The following PTER variants were observed in gnomAD, a reference collection of about 807,000 sequenced individuals.
PTER encodes the protein N-acetyltaurine hydrolase.
In PTER, 38 loss-of-function variants were observed where a neutral mutation model predicts 29.6. That is an observed-to-expected ratio of 1.28 (90% CI 0.99 to 1.68). PTER has a LOEUF of 1.68. Ranked by LOEUF, PTER falls within the 40% of genes most tolerant of loss-of-function variation. The probability of loss-of-function intolerance (pLI) is 0.00; values close to 1 mark genes in which losing one functional copy is unlikely to be tolerated. For missense variants in PTER, 482 were observed against 427.8 expected, an observed-to-expected ratio of 1.13 and a Z score of -1.12; for synonymous variants, 172 against 154.5, an observed-to-expected ratio of 1.11 and a Z score of -0.84.
chr10:16,471,414 A>T (rs1280029852), intron 1 of PTER, among the ~76,000 whole-genome samples: 2 of 152,210 alleles, frequency 1.3e-5, no homozygotes, highest in African/African-American at 4.8e-5. Context: ...TTTACTGATT[A>T]TAAATGTTAT....
At chr10:16,495,184 T>G (rs930269097) in intron 3 of PTER, among the ~76,000 whole-genome samples, 5 of 136,790 alleles carry the variant, frequency 3.7e-5, no homozygotes, top group African/African-American at 8.0e-5. Context: ...TTTTTTTTTT[T>G]TTTTGAGACA....
chr10:16,500,511 C>G (rs2133489932), intron 3 of PTER, among the ~76,000 whole-genome samples: 1 of 152,316 alleles, frequency 6.6e-6, no homozygotes, highest in Non-Finnish European at 1.5e-5. Context: ...CTTGGCTTCC[C>G]AAAGTGCTGG....
In PTER at chr10:16,484,585, TA is replaced by T; in HGVS notation, c.204del (p.Glu69LysfsTer5). On this transcript the variant is annotated frameshift_variant, in exon 2 of 5. Transcript: ENST00000535784. LOFTEE classifies it high-confidence loss of function. ...GGATTCAGAAAAACGCCTATTCCCA[TA>T]AAGAAAACCTTCAATTAAATCAGGA... ...YWIQKNAYSH[K>X]ENLQLNQETE... is the part of the protein sequence containing the mutation. The T allele has an allele frequency of 6.2e-7, 1 of 1,613,982 alleles. No homozygotes were observed. Among genetic ancestry groups the T allele is most frequent in the Non-Finnish European group, 8.5e-7 (1 of 1,179,992 alleles).
At position 16,511,301 on chromosome 10, in the gene PTER, G is replaced by C. The variant is rs1395564380; in HGVS notation, c.*45G>C. 1 of 1,530,638 alleles carries C rather than the reference G, an allele frequency of 6.5e-7. No homozygotes were observed. Among genetic ancestry groups the C allele is most frequent in the African/African-American group, 1.4e-5 (1 of 73,112 alleles). 94.8% of individuals were successfully genotyped at this position (1,530,638 alleles called of 1,614,324 possible). A position where few individuals can be genotyped will look rare whatever the true frequency, so the allele number is the denominator to read the frequency against. On this transcript the variant is annotated 3_prime_UTR_variant, in exon 5 of 5. Transcript: ENST00000535784. ...ACACCTTGAGTATAAAACTTGCAGA[G>C]AACATTCAGCGATTTCCAGTCCACT...
At chr10:16,474,653 C>T (rs1377613647) in intron 1 of PTER, among the ~76,000 whole-genome samples, 2 of 151,856 alleles carry the variant, frequency 1.3e-5, no homozygotes, top group African/African-American at 4.8e-5. Flanking sequence ...TTTGAGAGGC[C>T]GAGGCAGGTG....
intron 3 of PTER, among the ~76,000 whole-genome samples, chr10:16,490,977 G>C (rs1005219553): frequency 1.3e-5 from 2 of 151,552 alleles, no homozygotes; most frequent in Non-Finnish European, 2.9e-5. Context: ...ATACACATAT[G>C]TATATATTTA....
At chr10:16,462,598 T>G (rs1474212500) in intron 1 of PTER, among the ~76,000 whole-genome samples, 1 of 140,464 alleles carries the variant, frequency 7.1e-6, no homozygotes, top group Non-Finnish European at 1.5e-5. Flanking sequence ...TGAGACAGAG[T>G]CTCGCTCTGT....
intron 1 of PTER, among the ~76,000 whole-genome samples, chr10:16,464,815 A>G (rs1177112538): frequency 6.6e-6 from 1 of 152,176 alleles, no homozygotes; most frequent in African/African-American, 2.4e-5. Flanking sequence ...CATGCTCCAG[A>G]TAAAGACATA....
chr10:16,440,126 C>G (rs1218142486), intron 1 of PTER, among the ~76,000 whole-genome samples: 13 of 142,722 alleles, frequency 9.1e-5, no homozygotes, highest in Admixed American at 6.6e-4. Context: ...AGTGCAGTGG[C>G]CCTATCTTGA....
intron 3 of PTER, among the ~76,000 whole-genome samples, chr10:16,490,310 A>T (rs576462321): frequency 6.6e-6 from 1 of 152,144 alleles, no homozygotes; most frequent in South Asian, 2.1e-4. Context: ...TGTAAAGTCC[A>T]AAAAGCATTA....
chr10:16,474,581 T>A (rs866379732), intron 1 of PTER, among the ~76,000 whole-genome samples: 6 of 151,986 alleles, frequency 3.9e-5, no homozygotes, highest in South Asian at 2.1e-4. Context: ...ATAGCCTGGG[T>A]GGCTTACCAA....
chr10:16,482,624 G>A (rs564957924), intron 1 of PTER, among the ~76,000 whole-genome samples: 1 of 152,236 alleles, frequency 6.6e-6, no homozygotes, highest in Non-Finnish European at 1.5e-5. Flanking sequence ...ACTATTTGAA[G>A]GAACAGTTTG....
chr10:16,484,787 T>G lies in PTER; in HGVS notation c.403T>G (p.Ser135Ala). Reference sequence around the variant, plus strand: ...GTTTTATGTGGATGCAACTCACTCCTCAGAGACCAGGGCCATGTCAGTGGA... The same window carrying G: ...GTTTTATGTGGATGCAACTCACTCCGCAGAGACCAGGGCCATGTCAGTGGA... ...AGFYVDATHS[S>A]ETRAMSVEQL... Residue 135 changes from serine (S) to alanine (A), a missense_variant, in exon 2 of 5, where the codon TCA becomes GCA. Coordinates refer to ENST00000535784, the MANE Select transcript of PTER (RefSeq NM_001261836.2). The G allele has an allele frequency of 6.2e-7, 1 of 1,611,446 alleles. No homozygotes were observed. The highest frequency in any genetic ancestry group is 8.5e-7 in the Non-Finnish European group (1 of 1,179,210).
downstream of PTER, among the ~76,000 whole-genome samples, chr10:16,515,648 A>G (rs1836939146): frequency 6.6e-6 from 1 of 152,172 alleles, no homozygotes; most frequent in Non-Finnish European, 1.5e-5. Context: ...ATTGCCTATC[A>G]TCTCATGCAT....
At chr10:16,460,316 A>G (rs1241698417) in intron 1 of PTER, among the ~76,000 whole-genome samples, 1 of 152,182 alleles carries the variant, frequency 6.6e-6, no homozygotes, top group Non-Finnish European at 1.5e-5. Context: ...GTTCATAGTA[A>G]ATACCTACAT....
intron 1 of PTER, among the ~76,000 whole-genome samples, chr10:16,448,915 G>A (rs1275991163): frequency 2.0e-5 from 3 of 152,210 alleles, no homozygotes; most frequent in Non-Finnish European, 4.4e-5. Flanking sequence ...TAGGTACCAG[G>A]AGATTTATTA....
chr10:16,441,732 T>A (rs1833856819), intron 1 of PTER, among the ~76,000 whole-genome samples: 1 of 152,228 alleles, frequency 6.6e-6, no homozygotes. Flanking sequence ...TGACCGAAGA[T>A]CTTCTATTGT....
chr10:16,493,124 T>G (rs1042737604), intron 3 of PTER, among the ~76,000 whole-genome samples: 7 of 152,224 alleles, frequency 4.6e-5, no homozygotes, highest in Non-Finnish European at 1.0e-4. Flanking sequence ...AGTCATTATT[T>G]AATTATAATT....
intron 3 of PTER, among the ~76,000 whole-genome samples, chr10:16,487,776 ATATAT>A (rs1360152193): frequency 2.0e-5 from 3 of 152,168 alleles, no homozygotes; most frequent in African/African-American, 4.8e-5. Context: ...GAGACTAATA[ATATAT>A]TATAGTTACT....
Sources: gnomAD v4.1 joint callset for allele counts (sites outside exome capture counted in the v4.1 genomes callset) on GRCh38, gnomAD v4.1.1 for gene constraint, MANE v1.5 for transcripts, NCBI Gene and HGNC (gene_info 2026-07-23, HGNC 2026-07-21) for gene names.